The following ZNF638 variants were observed in gnomAD, a reference collection of about 807,000 sequenced individuals.
ZNF638 encodes CTCL tumor antigen se33-1.
ZNF638 carries 46 observed loss-of-function variants against 195.6 expected under a neutral mutation model. The observed-to-expected ratio is 0.24, with a 90% CI of 0.19 to 0.30. The LOEUF is 0.30. ZNF638 is among the 10% of genes least tolerant of loss of function. The pLI, the probability that ZNF638 is intolerant of heterozygous loss-of-function variation, is 1.00. For missense variants in ZNF638, 2,440 were observed against 2,325.3 expected, an observed-to-expected ratio of 1.05 and a Z score of -1.01; for synonymous variants, 845 against 772.0, an observed-to-expected ratio of 1.09 and a Z score of -1.57.
intron 27 of ZNF638, 90 bp downstream of exon 27, chr2:71,433,373 C>G (rs939521208): frequency 1.1e-4 from 101 of 917,756 alleles, no homozygotes; most frequent in Non-Finnish European, 1.7e-4. Flanking sequence ...TTTCCCCCCG[C>G]TTTAGGAGAA....
Position 71,349,749 on chromosome 2 carries a change from TGAA to T in ZNF638, c.798_800del (p.Glu266del). 2 of 1,614,230 alleles carry T rather than the reference TGAA, an allele frequency of 1.2e-6. No individual in the cohort carries two copies. The highest frequency in any genetic ancestry group is 1.7e-6 in the Non-Finnish European group (2 of 1,180,042). On this transcript the variant is annotated inframe_deletion, in exon 2 of 28. Transcript: ENST00000264447. The stretch of plus-strand genomic sequence containing the variant: ...TGATATGTAATTCTATGTTTCCTGT[TGAA>T]GACGTATTTCGCCAAATGGACTTCC...
rs2078915726 is a variant in ZNF638 at position 71,350,075 on chromosome 2, A to G, written c.1121A>G (p.Gln374Arg). ...TCAAGAGGAAGTAAAAAGAATTACC[A>G]GTCACAGGCTGACATTCCCATTCGG... is the stretch of plus-strand genomic sequence containing the variant. ...VGSRGSKKNY[Q>R]SQADIPIRSP... Residue 374 changes from glutamine to arginine, a missense_variant, in exon 2 of 28, where the codon CAG becomes CGG. By Grantham distance (43) the Gln-to-Arg change is conservative. Transcript: ENST00000264447. 1 of 1,614,220 alleles carries G rather than the reference A, an allele frequency of 6.2e-7. No individual in the cohort carries two copies. The highest frequency in any genetic ancestry group is 1.3e-5 in the African/African-American group (1 of 75,080).
At chr2:71,397,966 T>C (rs2079929210) in intron 11 of ZNF638, among the ~76,000 whole-genome samples, 1 of 152,254 alleles carries the variant, frequency 6.6e-6, no homozygotes, top group Admixed American at 6.5e-5. Context: ...GAATGCTTTC[T>C]AATCAATTAG....
Position 71,428,746 on chromosome 2 carries a change from A to G in ZNF638, c.5650+95A>G, listed in dbSNP as rs946389924. 1.6e-5 allele frequency: 17 copies of G among 1,059,870 alleles called. No homozygotes were observed. In the African/African-American group the frequency reaches 2.1e-4, roughly 13 times the overall value. 65.7% of individuals were successfully genotyped at this position (1,059,870 alleles called of 1,614,324 possible). A position where few individuals can be genotyped will look rare whatever the true frequency, so the allele number is the denominator to read the frequency against. On this transcript the variant is annotated intron_variant, in intron 25 of 27. Coordinates refer to ENST00000264447, the MANE Select transcript of ZNF638 (RefSeq NM_014497.5). ...TATCTAAGAAGAAAAGTAGAAAATC[A>G]GTGGAATAGAGCAGGGGTGGGAAAA...
At chr2:71,400,314 A>G (rs2079981134) in intron 14 of ZNF638, 134 bp downstream of exon 14, 5 of 1,044,932 alleles carry the variant, frequency 4.8e-6, no homozygotes, top group East Asian at 5.3e-5. Flanking sequence ...TGAAATTTAA[A>G]TGTATTTTTT....
At chr2:71,369,742 A>G in intron 7 of ZNF638, 141 bp from the exon 8 acceptor site, 3 of 753,294 alleles carry the variant, frequency 4.0e-6, no homozygotes, top group Non-Finnish European at 6.1e-6. Context: ...TACTTGACCA[A>G]AATAAAAACA....
intron 10 of ZNF638, 73 bp from the exon 11 acceptor site, chr2:71,396,068 A>G (rs2079887267): frequency 7.3e-7 from 1 of 1,376,314 alleles, no homozygotes; most frequent in Admixed American, 1.8e-5. Flanking sequence ...AATTATTGCT[A>G]GGTTGACTTT....
At chr2:71,380,783 T>G in intron 10 of ZNF638, 1 of 397,224 alleles carries the variant, frequency 2.5e-6, no homozygotes, top group Non-Finnish European at 4.5e-6. Flanking sequence ...TGAGATAATG[T>G]ATGTGAAATA....
At chr2:71,432,737 C>T (rs1322216616) in intron 26 of ZNF638, among the ~76,000 whole-genome samples, 1 of 152,202 alleles carries the variant, frequency 6.6e-6, no homozygotes, top group African/African-American at 2.4e-5. Flanking sequence ...AAATTTATAG[C>T]AGTGTGTACT....
intron 16 of ZNF638, 57 bp downstream of exon 16, chr2:71,402,144 C>G (rs2080019058): frequency 6.7e-7 from 1 of 1,502,180 alleles, no homozygotes; most frequent in East Asian, 2.3e-5. Flanking sequence ...CTTTGAAAAA[C>G]ATTAAATTTA....
At chr2:71,365,297 A>G in intron 5 of ZNF638, 132 bp from the exon 6 acceptor site, 1 of 730,944 alleles carries the variant, frequency 1.4e-6, no homozygotes, top group African/African-American at 2.1e-5. Flanking sequence ...TTCTGAGTGC[A>G]TAAAATCTAG....
At chr2:71,351,922 G>A (rs1048638323) in intron 2 of ZNF638, among the ~76,000 whole-genome samples, 1 of 152,162 alleles carries the variant, frequency 6.6e-6, no homozygotes, top group Non-Finnish European at 1.5e-5. Context: ...ACTCAGGCCA[G>A]CATCATCAAT....
intron 12 of ZNF638, 107 bp downstream of exon 12, chr2:71,398,879 C>T: frequency 9.8e-7 from 1 of 1,018,576 alleles, no homozygotes; most frequent in Non-Finnish European, 1.4e-6. Context: ...GTAGATATTT[C>T]CTTGATATTT....
intron 2 of ZNF638, among the ~76,000 whole-genome samples, chr2:71,351,251 G>A (rs916687211): frequency 2.6e-5 from 4 of 152,058 alleles, no homozygotes; most frequent in Non-Finnish European, 4.4e-5. Context: ...GCTGCCTTTC[G>A]ATTTTCTTTT....
At chr2:71,348,135 T>C (rs781107972) in intron 1 of ZNF638, among the ~76,000 whole-genome samples, 1 of 152,250 alleles carries the variant, frequency 6.6e-6, no homozygotes, top group East Asian at 1.9e-4. Flanking sequence ...TTCTATGTTA[T>C]AACGAATTCC....
At position 71,388,771 on chromosome 2, in the gene ZNF638, C is replaced by T. The variant is rs538417558; in HGVS notation, c.2378-7370C>T. 3.4e-5 allele frequency: 32 copies of T among 949,884 alleles called. No homozygotes were observed. The East Asian group carries it at 4.8e-4, about 14-fold the overall frequency. 58.8% of individuals were successfully genotyped at this position (949,884 alleles called of 1,614,324 possible). A position where few individuals can be genotyped will look rare whatever the true frequency, so the allele number is the denominator to read the frequency against. On this transcript the variant is annotated intron_variant, in intron 10 of 27. Transcript: ENST00000264447. ...GGATATCCAAGTTCAGGGGAATTCT[C>T]AGACTAGAGTTTCATCATGAGACAA... is the stretch of plus-strand genomic sequence containing the variant.
At position 71,365,425 on chromosome 2, in the gene ZNF638, C is replaced by G; in HGVS notation, c.1718-4C>G. On this transcript the variant is annotated splice_polypyrimidine_tract_variant and splice_region_variant and intron_variant, in intron 5 of 27. Transcript: ENST00000264447. The stretch of plus-strand genomic sequence containing the variant: ...TTGAAATTATATTTATATCTTTTTA[C>G]TAGATAGAAAAAAAGCATTAGAAGA... The G allele has an allele frequency of 6.4e-7, 1 of 1,570,116 alleles. No individual in the cohort carries two copies. Among genetic ancestry groups the G allele is most frequent in the Non-Finnish European group, 8.6e-7 (1 of 1,162,324 alleles).
chr2:71,406,692 A>G (rs1005433213), intron 19 of ZNF638, among the ~76,000 whole-genome samples: 1 of 152,138 alleles, frequency 6.6e-6, no homozygotes, highest in Non-Finnish European at 1.5e-5. Flanking sequence ...TTGTTTGTTT[A>G]TATGGAAAGA....
At position 71,396,255 on chromosome 2, in the gene ZNF638, T is replaced by G. The variant is rs1442035602; in HGVS notation, c.2428+64T>G. On this transcript the variant is annotated intron_variant, in intron 11 of 27. Transcript: ENST00000264447. ...AACTTTAATGTATTTTAAAATCGTATGGCAGTAGTAGTCTTGGATTTCACA... is the reference window on the plus strand; with the variant it reads ...AACTTTAATGTATTTTAAAATCGTAGGGCAGTAGTAGTCTTGGATTTCACA... 4 of 1,344,598 alleles carry G rather than the reference T, an allele frequency of 3.0e-6. No homozygotes were observed. In the African/African-American group the frequency reaches 5.8e-5, roughly 20 times the overall value. The allele number at this position is 1,344,598 out of a possible 1,614,324, so 83.3% of individuals were successfully genotyped here.
Sources: gnomAD v4.1 joint callset for allele counts (sites outside exome capture counted in the v4.1 genomes callset) on GRCh38, gnomAD v4.1.1 for gene constraint, MANE v1.5 for transcripts, NCBI Gene and HGNC (gene_info 2026-07-23, HGNC 2026-07-21) for gene names.